PDLIM2: variants seen among roughly 807,000 people sequenced by gnomAD.
PDLIM2 encodes the protein PDZ and LIM domain protein 2.
Under a neutral mutation model 54.1 loss-of-function variants are expected in PDLIM2, and 51 were observed. The ratio of observed to expected loss-of-function variants is 0.94; its 90% CI spans 0.75 to 1.19. The LOEUF (loss-of-function observed/expected upper bound fraction) is 1.19. PDLIM2 is among the 50% of genes most tolerant of loss of function. The probability of loss-of-function intolerance (pLI) is 0.00; values close to 1 mark genes in which losing one functional copy is unlikely to be tolerated. For synonymous variants in PDLIM2, 398 were observed against 385.6 expected (o/e 1.03, Z -0.38); for missense variants, 912 against 874.0 (o/e 1.04, Z -0.55).
chr8:22,578,916 C>T (rs1702369981), exon 1 of PDLIM2: 1 of 1,238,266 alleles, frequency 8.1e-7, no homozygotes, highest in Admixed American at 4.2e-5. Flanking sequence ...GCGGGCGCTC[C>T]GGGGAGGATG....
chr8:22,585,117 C>T lies in PDLIM2; in HGVS notation c.1166C>T (p.Pro389Leu), dbSNP rs569521337. ...AGGGCCGGCAGCCCCTTCTCACCACCACCCTCTAGCAGCTCCCTCACTGGA... is the reference window on the plus strand; with the variant it reads ...AGGGCCGGCAGCCCCTTCTCACCACTACCCTCTAGCAGCTCCCTCACTGGA... The change falls in exon 5 of 10, where the codon CCA (proline) becomes CTA (leucine). Residue 389 changes from proline (P) to leucine (L), a missense_variant. Coordinates refer to ENST00000308354, the Ensembl canonical transcript of PDLIM2. 52 of 1,613,790 alleles carry T rather than the reference C, an allele frequency of 3.2e-5. No individual in the cohort carries two copies. In the South Asian group the frequency reaches 5.3e-4, roughly 16 times the overall value.
downstream of PDLIM2, chr8:22,594,324 T>A: frequency 1.4e-6 from 2 of 1,432,526 alleles, no homozygotes; most frequent in Non-Finnish European, 1.8e-6. Flanking sequence ...TTCTTTTTCC[T>A]ACCGCCAGCC....
Position 22,593,865 on chromosome 8 carries a change from C to A in PDLIM2, c.1764C>A (p.Ala588=), listed in dbSNP as rs180868504. The A allele has an allele frequency of 4.7e-4, 732 of 1,558,500 alleles. 4 individuals carry two copies. The African/African-American group carries it at 8.5e-3, about 18-fold the overall frequency. Residue 588 remains alanine (A), a synonymous_variant, in exon 10 of 10, where the codon GCC becomes GCA. Transcript: ENST00000308354. ...ACGAGCTGTACTGTGAGAAGCATGCCCGCCAGCGCTACTCCGCACCTGCCA... is the reference window on the plus strand; with the variant it reads ...ACGAGCTGTACTGTGAGAAGCATGCACGCCAGCGCTACTCCGCACCTGCCA...
chr8:22,591,726 A>G (rs1018284345), intron 9 of PDLIM2, 58 bp downstream of exon 8: 3 of 1,478,872 alleles, frequency 2.0e-6, no homozygotes, highest in African/African-American at 2.8e-5. Context: ...GGAGGGGGAC[A>G]GGGCACTGGA....
Position 22,589,467 on chromosome 8 carries a change from C to CA in PDLIM2, c.1367+95dup, listed in dbSNP as rs564056834. 2.7e-5 allele frequency: 41 copies of CA among 1,530,102 alleles called. No individual in the cohort carries two copies. In the South Asian group the frequency reaches 4.5e-4, roughly 17 times the overall value. The allele number at this position is 1,530,102 out of a possible 1,614,324, so 94.8% of individuals were successfully genotyped here. On this transcript the variant is annotated intron_variant, in intron 7 of 9. Coordinates refer to ENST00000308354, the Ensembl canonical transcript of PDLIM2. ...CTTCCCCGAGAGGGATGGGGTCCCC[C>CA]AAGCCCAGTTGGCTCCTCCACCTCC...
In PDLIM2 at chr8:22,580,414, G is replaced by C. The variant is rs369225567; in HGVS notation, c.749-189G>C. On this transcript the variant is annotated intron_variant, in intron 1 of 9. Transcript: ENST00000308354. ...ACCCAGAAGCATGGCTTCCCAGGGTGGGGGGAAGTGAAACCGGGCTGAGGG... is the reference window on the plus strand; with the variant it reads ...ACCCAGAAGCATGGCTTCCCAGGGTCGGGGGAAGTGAAACCGGGCTGAGGG... 3.2e-5 allele frequency: 43 copies of C among 1,350,818 alleles called. No individual in the cohort carries two copies. The African/African-American group carries it at 4.1e-4, about 13-fold the overall frequency. The allele number at this position is 1,350,818 out of a possible 1,614,324, so 83.7% of individuals were successfully genotyped here. A position where few individuals can be genotyped will look rare whatever the true frequency, so the allele number is the denominator to read the frequency against.
At chr8:22,589,249 G>A in intron 6 of PDLIM2, 49 bp from the exon 6 acceptor site, 3 of 1,527,336 alleles carry the variant, frequency 2.0e-6, no homozygotes, top group Non-Finnish European at 1.8e-6. Flanking sequence ...TGGGTGTGTT[G>A]GCCCAAGGCT....
downstream of PDLIM2, chr8:22,594,956 T>G: frequency 4.0e-6 from 1 of 252,604 alleles, no homozygotes; most frequent in Non-Finnish European, 7.7e-6. Context: ...TGAATGCATG[T>G]GGCCAGTGCC....
At position 22,591,786 on chromosome 8, in the gene PDLIM2, T is replaced by TC. The variant is rs1800558105; in HGVS notation, c.1631+119dup. The TC allele has an allele frequency of 4.4e-6, 4 of 915,554 alleles. No homozygotes were observed. The South Asian group carries it at 7.0e-5, about 16-fold the overall frequency. The allele number at this position is 915,554 out of a possible 1,614,324, so 56.7% of individuals were successfully genotyped here. On this transcript the variant is annotated intron_variant, in intron 9 of 9. Transcript: ENST00000308354. ...TCAGGGGCTAGCACTGGGTACCCAG[T>TC]CGGGGACTCTAGGGGAAGCAGTGTT...
At chr8:22,594,838 C>T, downstream of PDLIM2, 2 of 837,496 alleles carry the variant, frequency 2.4e-6, no homozygotes, top group African/African-American at 3.5e-5. Context: ...CCTGAGGAGC[C>T]CTCCTGGAGC....
At chr8:22,584,916 C>A (rs767326721) in intron 4 of PDLIM2, 26 bp downstream of exon 3, 2 of 1,614,014 alleles carry the variant, frequency 1.2e-6, no homozygotes, top group East Asian at 4.5e-5. Flanking sequence ...CCCCTGACAG[C>A]CTCAGCACCC....
chr8:22,582,920 C>T (rs1483837166), intron 3 of PDLIM2, among the ~76,000 whole-genome samples: 3 of 122,388 alleles, frequency 2.5e-5, no homozygotes, highest in Non-Finnish European at 3.5e-5. Context: ...CCCCCCCCCC[C>T]GCCCCCATCT....
At chr8:22,589,076 C>T in intron 6 of PDLIM2, 1 of 589,996 alleles carries the variant, frequency 1.7e-6, no homozygotes, top group Admixed American at 3.0e-5. Context: ...CCCTGGCAGT[C>T]TCTGCGCCCT....
chr8:22,588,537 TG>T (rs1220723989), intron 6 of PDLIM2: 1 of 151,142 alleles, frequency 6.6e-6, no homozygotes, highest in African/African-American at 2.4e-5. Flanking sequence ...AGCAGGGGAG[TG>T]GGGAGTACGG....
chr8:22,579,447 C>T (rs1187369478), exon 1 of PDLIM2: 2 of 1,519,528 alleles, frequency 1.3e-6, no homozygotes, highest in African/African-American at 2.8e-5. Flanking sequence ...GAAGGAGGCT[C>T]CAGAACTGGT....
At position 22,585,424 on chromosome 8, in the gene PDLIM2, G is replaced by A. The variant is rs372793694; in HGVS notation, c.1290+25G>A. The A allele has an allele frequency of 1.2e-4, 192 of 1,586,926 alleles. No homozygotes were observed. The African/African-American group carries it at 2.3e-3, about 19-fold the overall frequency. On this transcript the variant is annotated intron_variant, in intron 6 of 9. Transcript: ENST00000308354. ...GGTGAGGCTCCCTGGGGGAGGACAG[G>A]CTGGAGGAACAGAAGCACCTCCCGT...
intron 3 of PDLIM2, among the ~76,000 whole-genome samples, chr8:22,583,310 G>GA (rs2117342700): frequency 6.6e-6 from 1 of 152,234 alleles, no homozygotes; most frequent in African/African-American, 2.4e-5. Flanking sequence ...AGACCCCTGA[G>GA]AAAGGGATCA....
exon 1 of PDLIM2, chr8:22,579,380 C>G: frequency 6.7e-7 from 1 of 1,499,816 alleles, no homozygotes; most frequent in Non-Finnish European, 8.8e-7. Context: ...TGCGCTCTCC[C>G]CGGCCGGAGC....
Position 22,579,526 on chromosome 8 carries a change from AG to A in PDLIM2, c.748+1del, listed in dbSNP as rs1455090636. On this transcript the variant is annotated frameshift_variant and splice_region_variant, in exon 1 of 10. Coordinates refer to ENST00000308354, the Ensembl canonical transcript of PDLIM2. LOFTEE classifies it high-confidence loss of function. ...GCGCGGAGTCCACTGACCGGCTCAA[AG>A]GTCTGGGAATCTCGGGGCGGCCGCG... The A allele has an allele frequency of 2.0e-6, 3 of 1,477,158 alleles. No homozygotes were observed. Among genetic ancestry groups the A allele is most frequent in the Non-Finnish European group, 1.8e-6 (2 of 1,119,190 alleles). The allele number at this position is 1,477,158 out of a possible 1,614,324, so 91.5% of individuals were successfully genotyped here.
Sources: allele counts gnomAD v4.1 joint callset (sites outside exome capture counted in the v4.1 genomes callset), GRCh38; gene constraint gnomAD v4.1.1; transcripts MANE v1.5; gene names NCBI Gene and HGNC (gene_info 2026-07-23, HGNC 2026-07-21).